Variants in DES observed in about 807,000 individuals in gnomAD.
DES encodes the protein cardiomyopathy, dilated 1F (autosomal dominant).
In DES, 34 loss-of-function variants were observed where a neutral mutation model predicts 55.1. The observed-to-expected ratio is 0.62, with a 90% CI of 0.47 to 0.82. The LOEUF is 0.82. Ranked by LOEUF, DES falls within the 40% of genes least tolerant of loss-of-function variation. The pLI is 0.00. For synonymous variants in DES, 259 were observed against 270.8 expected (o/e 0.96, Z 0.43); for missense variants, 596 against 645.9 (o/e 0.92, Z 0.84).
intron 7 of DES, chr2:219,425,396 C>A: frequency 2.1e-6 from 1 of 483,046 alleles, no homozygotes. Flanking sequence ...TGTCCCCTAC[C>A]CTCCTGCACC....
chr2:219,420,622 A>G lies in DES; in HGVS notation c.863A>G (p.Asn288Ser), dbSNP rs779875721. ...CAGTATGAGACCATCGCGGCTAAGA[A>G]CATTTCTGAAGCTGAGGAGTGGTAC... Reference protein sequence around the residue: ...RAQYETIAAKNISEAEEWYKS... With the variant: ...RAQYETIAAKSISEAEEWYKS... Residue 288 changes from asparagine (N) to serine (S), a missense_variant, in exon 4 of 9, where the codon AAC becomes AGC. Transcript: ENST00000373960. The surrounding 1 kb of genome is among the most constrained non-coding windows in gnomAD (Gnocchi z 6.0). 1.2e-6 allele frequency: 2 copies of G among 1,613,928 alleles called. No homozygotes were observed. Among genetic ancestry groups the G allele is most frequent in the African/African-American group, 1.3e-5 (1 of 74,880 alleles).
At chr2:219,421,071 A>G (rs1001596075) in intron 5 of DES, 118 bp downstream of exon 5, 39 of 1,421,308 alleles carry the variant, frequency 2.7e-5, no homozygotes, top group Non-Finnish European at 3.7e-5. Flanking sequence ...TTAAATCTAC[A>G]ATAGGGGTAA....
chr2:219,426,017 C>A lies in DES; in HGVS notation c.*27C>A, dbSNP rs867868245. The A allele has an allele frequency of 1.9e-6, 3 of 1,613,582 alleles. No homozygotes were observed. Among genetic ancestry groups the A allele is most frequent in the Non-Finnish European group, 2.5e-6 (3 of 1,179,776 alleles). ...GACAGAGACCCTCTGCCACCAGAGA[C>A]CGTCCTCACCCCTGTCCTCACTGCT... On this transcript the variant is annotated 3_prime_UTR_variant, in exon 9 of 9. Coordinates refer to ENST00000373960, the MANE Select transcript of DES (RefSeq NM_001927.4). The surrounding 1 kb of genome is among the most constrained non-coding windows in gnomAD (Gnocchi z 4.5).
chr2:219,420,569 C>T lies in DES; in HGVS notation c.810C>T (p.Leu270=). The change falls in exon 4 of 9, where the codon CTC becomes CTT. Residue 270 remains leucine, a synonymous_variant. Transcript: ENST00000373960. The surrounding 1 kb of genome is among the most constrained non-coding windows in gnomAD (Gnocchi z 6.0). The stretch of plus-strand genomic sequence containing the variant: ...AGATGGACATGTCTAAGCCAGACCT[C>T]ACTGCCGCCCTCAGGGACATCCGGG... The part of the protein sequence containing the change: ...QVEMDMSKPD[L]TAALRDIRAQ... 1 of 1,613,988 alleles carries T rather than the reference C, an allele frequency of 6.2e-7. No individual in the cohort carries two copies. Among genetic ancestry groups the T allele is most frequent in the Non-Finnish European group, 8.5e-7 (1 of 1,180,002 alleles).
intron 6 of DES, 116 bp from the exon 7 acceptor site, chr2:219,423,661 G>T (rs1242836191): frequency 4.1e-6 from 4 of 966,616 alleles, no homozygotes; most frequent in South Asian, 1.3e-5. Context: ...GGATGGTCTC[G>T]ATCTCCTGAC....
At chr2:219,421,611 C>G in intron 6 of DES, 51 bp downstream of exon 6, 1 of 1,555,338 alleles carries the variant, frequency 6.4e-7, no homozygotes, top group Non-Finnish European at 8.8e-7. Context: ...GCTGGGTGGT[C>G]CATTTCTGTC....
intron 6 of DES, 128 bp from the exon 7 acceptor site, chr2:219,423,649 C>T (rs1559353824): frequency 2.3e-6 from 2 of 859,380 alleles, no homozygotes; most frequent in Non-Finnish European, 3.9e-6. Flanking sequence ...CTGTGTTAGC[C>T]AGGATGGTCT....
rs111548596 is a variant in DES, at chr2:219,419,051, G to A, written c.578+11G>A. The A allele has an allele frequency of 0.011, 16,985 of 1,537,434 alleles. 1,603 individuals carry two copies. In the African/African-American group the frequency reaches 0.2, roughly 18 times the overall value. ...GCGGCTCAAGGCCAAGTGAGGGCCC[G>A]GCACCCCAGACTCCTCTTTCTGCGG... On this transcript the variant is annotated intron_variant, in intron 1 of 8. Transcript: ENST00000373960. This position sits in a 1 kb window ranked among gnomAD's most constrained non-coding sequence, Gnocchi z 4.3.
chr2:219,425,462 G>GGC, intron 7 of DES: 1 of 606,688 alleles, frequency 1.6e-6, no homozygotes, highest in East Asian at 2.9e-5. Flanking sequence ...CTATGGGACA[G>GGC]GCGCTGGGGA....
intron 7 of DES, among the ~76,000 whole-genome samples, chr2:219,424,064 C>T (rs928412822): frequency 4.6e-5 from 7 of 152,244 alleles, no homozygotes; most frequent in Non-Finnish European, 1.5e-5. Flanking sequence ...ATGTCCCCTG[C>T]ACCTTCTTGG....
At chr2:219,421,654 C>T in intron 6 of DES, 94 bp downstream of exon 6, 1 of 1,194,104 alleles carries the variant, frequency 8.4e-7, no homozygotes, top group Non-Finnish European at 1.2e-6. Flanking sequence ...ATTACCTCAA[C>T]AAGACCTGGA....
chr2:219,426,040 G>A lies in DES; in HGVS notation c.*50G>A. ...GACCGTCCTCACCCCTGTCCTCACT[G>A]CTCCCTGAAGCCAGCCTTCTTCCAT... On this transcript the variant is annotated 3_prime_UTR_variant, in exon 9 of 9. Coordinates refer to ENST00000373960, the MANE Select transcript of DES (RefSeq NM_001927.4). The surrounding 1 kb of genome is among the most constrained non-coding windows in gnomAD (Gnocchi z 4.5). 1.2e-6 allele frequency: 2 copies of A among 1,602,940 alleles called. No individual in the cohort carries two copies.
At position 219,420,528 on chromosome 2, in the gene DES, C is replaced by G. The variant is rs1269819085; in HGVS notation, c.769C>G (p.Gln257Glu). 6.2e-7 allele frequency: 1 copy of G among 1,613,956 alleles called. No homozygotes were observed. The highest frequency in any genetic ancestry group is 8.5e-7 in the Non-Finnish European group (1 of 1,180,018). ...IRELQAQLQEQQVQVEMDMSK... is the reference protein window; with the variant it reads ...IRELQAQLQEEQVQVEMDMSK... ...TGAGTTGCAGGCTCAGCTTCAGGAA[C>G]AGCAGGTCCAGGTGGAGATGGACAT... The change falls in exon 4 of 9, where the codon CAG (glutamine) becomes GAG (glutamate). Residue 257 changes from glutamine to glutamate, a missense_variant. Physicochemically the swap from Gln to Glu is conservative, Grantham distance 29. Coordinates refer to ENST00000373960, the MANE Select transcript of DES (RefSeq NM_001927.4). The surrounding 1 kb of genome is among the most constrained non-coding windows in gnomAD (Gnocchi z 6.0).
At chr2:219,424,679 G>T (rs1229313656) in intron 7 of DES, among the ~76,000 whole-genome samples, 1 of 152,176 alleles carries the variant, frequency 6.6e-6, no homozygotes, top group East Asian at 1.9e-4. Flanking sequence ...CCAAGTATGA[G>T]TCTTGCATTT....
rs1200003264 is a variant in DES, at chr2:219,419,609, TG to T, written c.579-481del. Among the ~76,000 whole-genome samples, 1 of 152,018 alleles carries T rather than the reference TG, an allele frequency of 6.6e-6. No individual in the cohort carries two copies. The highest frequency in any genetic ancestry group is 2.4e-5 in the African/African-American group (1 of 41,384). On this transcript the variant is annotated intron_variant, in intron 1 of 8. Transcript: ENST00000373960. This position sits in a 1 kb window ranked among gnomAD's most constrained non-coding sequence, Gnocchi z 4.3. ...ACAGGCTGGAGAAAAAGGGAGTAGG[TG>T]GGGGTCACAGCTCTCAGAGAGCTTG...
At chr2:219,424,434 C>A (rs1954500532) in intron 7 of DES, among the ~76,000 whole-genome samples, 1 of 152,226 alleles carries the variant, frequency 6.6e-6, no homozygotes, top group African/African-American at 2.4e-5. Context: ...ATTAGGAAAG[C>A]AAGTCGGAGT....
rs1438083111 is a variant in DES, at chr2:219,426,492, T to A, written c.*502T>A. 4.6e-6 allele frequency: 1 copy of A among 217,746 alleles called. No individual in the cohort carries two copies. Among genetic ancestry groups the A allele is most frequent in the African/African-American group, 2.3e-5 (1 of 44,238 alleles). The allele number at this position is 217,746 out of a possible 1,614,324, so 13.5% of individuals were successfully genotyped here. ...GAAATTGTCCCCGTGGTCTCTTACT[T>A]TCCTTTCCCCAGCCCAGGGTGGACT... is the stretch of plus-strand genomic sequence containing the variant. On this transcript the variant is annotated 3_prime_UTR_variant, in exon 9 of 9. Transcript: ENST00000373960. This position sits in a 1 kb window ranked among gnomAD's most constrained non-coding sequence, Gnocchi z 4.5.
At position 219,419,114 on chromosome 2, in the gene DES, C is replaced by A; in HGVS notation, c.578+74C>A. 6.5e-7 allele frequency: 1 copy of A among 1,533,484 alleles called. No individual in the cohort carries two copies. The allele number at this position is 1,533,484 out of a possible 1,614,324, so 95.0% of individuals were successfully genotyped here. On this transcript the variant is annotated intron_variant, in intron 1 of 8. Transcript: ENST00000373960. This position sits in a 1 kb window ranked among gnomAD's most constrained non-coding sequence, Gnocchi z 4.3. ...AGGCTAGGCCTGGGGTCTGGGGTCC[C>A]GCTGTCAGCACCTGCCTTCTCCCGG... is the stretch of plus-strand genomic sequence containing the variant.
At chr2:219,423,724 C>T (rs938458138) in intron 6 of DES, 53 bp from the exon 7 acceptor site, 31 of 1,582,298 alleles carry the variant, frequency 2.0e-5, no homozygotes, top group Middle Eastern at 3.3e-4. Context: ...CAGCTGGGCC[C>T]GGCCGATGGG....
Sources: gnomAD v4.1 joint callset for allele counts (sites outside exome capture counted in the v4.1 genomes callset) on GRCh38, gnomAD v4.1.1 for gene constraint, Gnocchi (gnomAD v3.1) non-coding constraint, MANE v1.5 for transcripts, NCBI Gene and HGNC (gene_info 2026-07-23, HGNC 2026-07-21) for gene names.